Variants in ATP6V1H observed in about 807,000 individuals in gnomAD.
The protein encoded by ATP6V1H is ATPase H+ transporting V1 subunit H.
ATP6V1H carries 39 observed loss-of-function variants against 71.7 expected under a neutral mutation model. The ratio of observed to expected loss-of-function variants is 0.54; its 90% CI spans 0.42 to 0.71. The LOEUF is 0.71. Among genes scored for constraint, ATP6V1H ranks in the 30% least tolerant of loss-of-function variants. The probability of loss-of-function intolerance (pLI) is 0.00; values close to 1 mark genes in which losing one functional copy is unlikely to be tolerated. For missense variants in ATP6V1H, 509 were observed against 594.9 expected (o/e 0.86, Z 1.50); for synonymous variants, 192 against 199.3 (o/e 0.96, Z 0.31).
intron 11 of ATP6V1H, among the ~76,000 whole-genome samples, chr8:53,765,454 AACACAC>A (rs59822523): frequency 0.18 from 13,614 of 73,694 alleles, 1,433 homozygotes; most frequent in Non-Finnish European, 0.24. Context: ...CAACAACAAC[AACACAC>A]ACACACACAC....
rs139691585 is a variant in ATP6V1H, at chr8:53,817,374, T to C, written c.420+43A>G. ...ACAACATAGTGAGACCCTCTCTCTT[T>C]AAAAAAATTTTAAAAAAAGAATCCA... On this transcript the variant is annotated intron_variant, in intron 5 of 13. Coordinates refer to ENST00000359530, the MANE Select transcript of ATP6V1H (RefSeq NM_015941.4). The C allele has an allele frequency of 4.4e-4, 615 of 1,410,396 alleles. 3 individuals are homozygous for C. The African/African-American group carries it at 8.1e-3, about 19-fold the overall frequency. The allele number at this position is 1,410,396 out of a possible 1,614,324, so 87.4% of individuals were successfully genotyped here. A position where few individuals can be genotyped will look rare whatever the true frequency, so the allele number is the denominator to read the frequency against.
At chr8:53,786,307 G>A (rs920959988) in intron 9 of ATP6V1H, among the ~76,000 whole-genome samples, 1 of 152,176 alleles carries the variant, frequency 6.6e-6, no homozygotes, top group Admixed American at 6.5e-5. Flanking sequence ...AGCAATGATC[G>A]AGCCTCCGTG....
At chr8:53,839,978 T>G (rs1173352876) in intron 2 of ATP6V1H, 1 of 923,754 alleles carries the variant, frequency 1.1e-6, no homozygotes, top group African/African-American at 1.8e-5. Flanking sequence ...CTCCAAAACA[T>G]GTATGACTCC....
At chr8:53,719,461 A>G (rs541421837) in intron 13 of ATP6V1H, among the ~76,000 whole-genome samples, 2 of 152,326 alleles carry the variant, frequency 1.3e-5, no homozygotes, top group South Asian at 4.1e-4. Flanking sequence ...TGGCCAGCTT[A>G]TAAAATACTA....
chr8:53,757,926 T>C (rs770004645), intron 11 of ATP6V1H, among the ~76,000 whole-genome samples: 1 of 152,166 alleles, frequency 6.6e-6, no homozygotes, highest in Non-Finnish European at 1.5e-5. Flanking sequence ...TGATAACATG[T>C]ATAAGTAAAG....
intron 8 of ATP6V1H, among the ~76,000 whole-genome samples, chr8:53,797,347 T>TC (rs1809774618): frequency 1.3e-5 from 2 of 152,194 alleles, no homozygotes; most frequent in Non-Finnish European, 1.5e-5. Flanking sequence ...AGCAGTTCTT[T>TC]CCCACAGCAG....
chr8:53,736,733 TG>T (rs1807218047), intron 13 of ATP6V1H, among the ~76,000 whole-genome samples: 1 of 152,194 alleles, frequency 6.6e-6, no homozygotes, highest in African/African-American at 2.4e-5. Flanking sequence ...AAAATGAGAA[TG>T]AGAACTCCCA....
intron 3 of ATP6V1H, among the ~76,000 whole-genome samples, chr8:53,830,417 C>T (rs528204002): frequency 3.3e-5 from 5 of 152,286 alleles, no homozygotes; most frequent in African/African-American, 9.6e-5. Context: ...CTAGAACTTA[C>T]GCCTACCTAT....
intron 6 of ATP6V1H, among the ~76,000 whole-genome samples, chr8:53,813,030 A>C (rs1255166874): frequency 1.3e-5 from 2 of 152,304 alleles, no homozygotes; most frequent in African/African-American, 2.4e-5. Flanking sequence ...AGATCATTTC[A>C]AAGCAGGAAA....
At chr8:53,718,613 C>T (rs1806509666) in intron 13 of ATP6V1H, among the ~76,000 whole-genome samples, 1 of 152,094 alleles carries the variant, frequency 6.6e-6, no homozygotes, top group South Asian at 2.1e-4. Flanking sequence ...TGGACGCTAA[C>T]TCCTGGGCTT....
At chr8:53,817,316 C>T in intron 5 of ATP6V1H, 101 bp downstream of exon 5, 1 of 669,362 alleles carries the variant, frequency 1.5e-6, no homozygotes, top group Non-Finnish European at 2.4e-6. Context: ...GGCAGGCGGA[C>T]TGCTTGAGCC....
chr8:53,765,301 C>T (rs892437666), intron 11 of ATP6V1H, among the ~76,000 whole-genome samples: 1 of 150,950 alleles, frequency 6.6e-6, no homozygotes, highest in African/African-American at 2.4e-5. Context: ...ACTTAGGAGG[C>T]TGAGGCTGGA....
intron 11 of ATP6V1H, among the ~76,000 whole-genome samples, chr8:53,766,784 A>G (rs1808487180): frequency 6.6e-6 from 1 of 152,184 alleles, no homozygotes; most frequent in South Asian, 2.1e-4. Flanking sequence ...TGCCTAATAA[A>G]TTTGGTCAGA....
At chr8:53,829,591 A>G in intron 3 of ATP6V1H, 58 bp from the exon 4 acceptor site, 1 of 1,056,640 alleles carries the variant, frequency 9.5e-7, no homozygotes. Context: ...ATTTCAATGG[A>G]ACTTCAGTAA....
At chr8:53,788,797 T>C (rs1199060165) in intron 9 of ATP6V1H, among the ~76,000 whole-genome samples, 1 of 152,200 alleles carries the variant, frequency 6.6e-6, no homozygotes, top group East Asian at 1.9e-4. Flanking sequence ...GTTACACTAC[T>C]CTATTTCTCA....
At chr8:53,723,348 T>C (rs1806692684) in intron 13 of ATP6V1H, among the ~76,000 whole-genome samples, 1 of 151,830 alleles carries the variant, frequency 6.6e-6, no homozygotes, top group Non-Finnish European at 1.5e-5. Flanking sequence ...TCCTCACCCC[T>C]GATCCCACCT....
At chr8:53,794,191 T>C (rs1213561065) in intron 9 of ATP6V1H, among the ~76,000 whole-genome samples, 1 of 152,178 alleles carries the variant, frequency 6.6e-6, no homozygotes, top group African/African-American at 2.4e-5. Context: ...ATATTAAGAA[T>C]AAAGTTATAG....
chr8:53,780,908 T>C (rs1809099219), intron 9 of ATP6V1H, among the ~76,000 whole-genome samples: 1 of 152,244 alleles, frequency 6.6e-6, no homozygotes, highest in African/African-American at 2.4e-5. Context: ...CCATGGTGTA[T>C]ATGTGCCACA....
intron 10 of ATP6V1H, among the ~76,000 whole-genome samples, chr8:53,770,137 G>C (rs2130313097): frequency 6.6e-6 from 1 of 152,134 alleles, no homozygotes; most frequent in South Asian, 2.1e-4. Context: ...TAAAAGCATA[G>C]TACTTTAACA....
Sources: gnomAD v4.1 joint callset for allele counts (sites outside exome capture counted in the v4.1 genomes callset) on GRCh38, gnomAD v4.1.1 for gene constraint, MANE v1.5 for transcripts, NCBI Gene and HGNC (gene_info 2026-07-23, HGNC 2026-07-21) for gene names.